The following PIK3CA variants were observed in gnomAD, a reference collection of about 807,000 sequenced individuals.
PIK3CA encodes the protein phosphatidylinositol 4,5-bisphosphate 3-kinase catalytic subunit alpha isoform.
A neutral mutation model predicts 138.2 loss-of-function variants in PIK3CA; 27 were observed. That is an observed-to-expected ratio of 0.20 (90% CI 0.14 to 0.27). PIK3CA has a LOEUF of 0.27. Among genes scored for constraint, PIK3CA ranks in the 10% least tolerant of loss-of-function variants. The pLI is 1.00. For missense variants in PIK3CA, 544 were observed against 1,277.4 expected, an observed-to-expected ratio of 0.43 and a Z score of 8.75; for synonymous variants, 358 against 413.2, an observed-to-expected ratio of 0.87 and a Z score of 1.62.
rs1442542543 is a variant in PIK3CA at position 179,239,488 on chromosome 3, T to A, written c.*5124T>A. On this transcript the variant is annotated 3_prime_UTR_variant, in exon 21 of 21. Coordinates refer to ENST00000263967, the MANE Select transcript of PIK3CA (RefSeq NM_006218.4). ...CATTTTTAAAAGTCCCTTGTTCAAT[T>A]TAACTTATGTTCCTAAGAGAGGTTG... 9.6e-6 allele frequency: 2 copies of A among 208,430 alleles called. No homozygotes were observed. Among genetic ancestry groups the A allele is most frequent in the Non-Finnish European group, 2.0e-5 (2 of 102,368 alleles). The allele number at this position is 208,430 out of a possible 1,614,324, so 12.9% of individuals were successfully genotyped here.
chr3:179,186,704 G>A (rs1723990913), intron 1 of PIK3CA, among the ~76,000 whole-genome samples: 1 of 152,180 alleles, frequency 6.6e-6, no homozygotes, highest in Non-Finnish European at 1.5e-5. Context: ...TAAACTTGTT[G>A]TAAAGAGTTA....
At chr3:179,187,349 A>G (rs1273111456) in intron 1 of PIK3CA, among the ~76,000 whole-genome samples, 1 of 151,790 alleles carries the variant, frequency 6.6e-6, no homozygotes, top group Non-Finnish European at 1.5e-5. Flanking sequence ...CATCCTGGCT[A>G]ACACGGTGAA....
intron 1 of PIK3CA, among the ~76,000 whole-genome samples, chr3:179,163,348 A>G (rs1417243341): frequency 6.6e-6 from 1 of 152,132 alleles, no homozygotes; most frequent in Non-Finnish European, 1.5e-5. Context: ...AGGAGGAACA[A>G]TCATTCGTTC....
intron 1 of PIK3CA, among the ~76,000 whole-genome samples, chr3:179,189,432 C>A (rs1160567608): frequency 6.6e-6 from 1 of 152,056 alleles, no homozygotes; most frequent in Non-Finnish European, 1.5e-5. Flanking sequence ...AATCTAAGAT[C>A]CAAGTATTAA....
At chr3:179,163,530 T>TC (rs1365701842) in intron 1 of PIK3CA, among the ~76,000 whole-genome samples, 1 of 151,728 alleles carries the variant, frequency 6.6e-6, no homozygotes, top group African/African-American at 2.4e-5. Flanking sequence ...TCACCTCCTC[T>TC]CCCCCCAACC....
intron 9 of PIK3CA, among the ~76,000 whole-genome samples, chr3:179,217,770 A>T (rs1388426903): frequency 6.6e-6 from 1 of 151,980 alleles, no homozygotes; most frequent in South Asian, 2.1e-4. Context: ...CTTTGCAGGG[A>T]TCATAAGGAT....
In PIK3CA at chr3:179,161,106, A is replaced by G. The variant is rs540178787; in HGVS notation, c.-77+12503A>G. 2.8e-4 allele frequency among the ~76,000 whole-genome samples: 43 copies of G among 152,322 alleles called. 2 individuals are homozygous for G. Among genetic ancestry groups the G allele is most frequent in the Middle Eastern group, 6.8e-3 (2 of 294 alleles). The stretch of plus-strand genomic sequence containing the variant: ...TCTGTCCAGCTAGCAAGAATGGCAC[A>G]GGAGGCTCAGGGTACACTTCTCATT... On this transcript the variant is annotated intron_variant, in intron 1 of 20. Transcript: ENST00000263967.
rs1378939266 is a variant in PIK3CA, at chr3:179,224,073, T to C, written c.2188-8T>C. On this transcript the variant is annotated splice_region_variant and splice_polypyrimidine_tract_variant and intron_variant, in intron 14 of 20. Transcript: ENST00000263967. The stretch of plus-strand genomic sequence containing the variant: ...TTCTTACTGTGACTATCCTTTTTTT[T>C]TAATCAGGTACAGATGAAGTTTTTA... The C allele has an allele frequency of 2.0e-6, 3 of 1,488,722 alleles. No homozygotes were observed. Among genetic ancestry groups the C allele is most frequent in the South Asian group, 2.3e-5 (2 of 86,874 alleles). 92.2% of individuals were successfully genotyped at this position (1,488,722 alleles called of 1,614,324 possible).
At chr3:179,167,396 AC>A (rs1723446807) in intron 1 of PIK3CA, among the ~76,000 whole-genome samples, 2 of 152,022 alleles carry the variant, frequency 1.3e-5, no homozygotes, top group African/African-American at 4.8e-5. Context: ...CTTTTAAGAT[AC>A]TCATATCTTC....
At chr3:179,175,378 A>G (rs1723670709) in intron 1 of PIK3CA, among the ~76,000 whole-genome samples, 1 of 151,628 alleles carries the variant, frequency 6.6e-6, no homozygotes, top group South Asian at 2.1e-4. Flanking sequence ...CTGATTTTTT[A>G]TTTATTCTTT....
At chr3:179,187,038 G>GT (rs77335735) in intron 1 of PIK3CA, among the ~76,000 whole-genome samples, 5,723 of 148,686 alleles carry the variant, frequency 0.038, 115 homozygotes, top group Middle Eastern at 0.054. Flanking sequence ...TAAGGGAAGT[G>GT]TTTTTTTTTT....
rs2108390074 is a variant in PIK3CA, at chr3:179,201,502, G to A, written c.775G>A (p.Glu259Lys). 1 of 1,607,264 alleles carries A rather than the reference G, an allele frequency of 6.2e-7. No individual in the cohort carries two copies. The highest frequency in any genetic ancestry group is 8.5e-7 in the Non-Finnish European group (1 of 1,174,116). ...TATTTTAAAAGTGTGTGGATGTGAT[G>A]AATACTTCCTAGAAAAATATCCTCT... ...KYILKVCGCD[E>K]YFLEKYPLSQ... The change falls in exon 4 of 21, where the codon GAA (glutamate) becomes AAA (lysine). Residue 259 changes from glutamate (E) to lysine (K), a missense_variant. Glu to Lys is a moderately conservative substitution (Grantham distance 56). Transcript: ENST00000263967.
chr3:179,224,506 AATT>A (rs947918525), intron 15 of PIK3CA, among the ~76,000 whole-genome samples, 191 bp from the exon 16 acceptor site: 1 of 152,158 alleles, frequency 6.6e-6, no homozygotes, highest in Non-Finnish European at 1.5e-5. Flanking sequence ...ATTCATATGC[AATT>A]ATATAACTTT....
In PIK3CA at chr3:179,199,195, A is replaced by G; in HGVS notation, c.352+18A>G. 3 of 1,459,724 alleles carry G rather than the reference A, an allele frequency of 2.1e-6. No individual in the cohort carries two copies. The highest frequency in any genetic ancestry group is 2.8e-6 in the Non-Finnish European group (3 of 1,080,594). 90.4% of individuals were successfully genotyped at this position (1,459,724 alleles called of 1,614,324 possible). ...AGAAATTGGTATGATACAATATCCT[A>G]TTCTAAAATGCAAATAACCATAAAG... On this transcript the variant is annotated intron_variant, in intron 2 of 20. Coordinates refer to ENST00000263967, the MANE Select transcript of PIK3CA (RefSeq NM_006218.4).
intron 17 of PIK3CA, among the ~76,000 whole-genome samples, chr3:179,228,513 A>G (rs1186245844): frequency 6.6e-6 from 1 of 152,092 alleles, no homozygotes; most frequent in Admixed American, 6.6e-5. Context: ...AATTATCTGA[A>G]AAGTCTATTA....
Position 179,203,132 on chromosome 3 carries a change from G to A in PIK3CA, c.814-412G>A, listed in dbSNP as rs1172237720. ...ATTTTTTGTATTTTTAGTAGAGACG[G>A]GGTTTCACCGTTTTAGCCAGGATGG... On this transcript the variant is annotated intron_variant, in intron 4 of 20. Transcript: ENST00000263967. Among the ~76,000 whole-genome samples the A allele has an allele frequency of 5.3e-5, 8 of 151,726 alleles. 1 individual carries two copies. The East Asian group carries it at 1.2e-3, about 22-fold the overall frequency.
chr3:179,215,831 C>A (rs1172790297), intron 9 of PIK3CA, among the ~76,000 whole-genome samples: 1 of 152,142 alleles, frequency 6.6e-6, no homozygotes, highest in Non-Finnish European at 1.5e-5. Flanking sequence ...TTAGACAAAT[C>A]ATAATATGAA....
At chr3:179,185,647 G>A (rs1435346208) in intron 1 of PIK3CA, among the ~76,000 whole-genome samples, 2 of 152,218 alleles carry the variant, frequency 1.3e-5, no homozygotes, top group East Asian at 3.8e-4. Flanking sequence ...GCTTCTGACT[G>A]ACTGGCTATA....
chr3:179,202,221 T>G (rs948957815), intron 4 of PIK3CA, among the ~76,000 whole-genome samples: 1 of 152,138 alleles, frequency 6.6e-6, no homozygotes, highest in African/African-American at 2.4e-5. Context: ...TGTGCCACCA[T>G]GCCCAGCTAA....
Sources: allele counts gnomAD v4.1 joint callset (sites outside exome capture counted in the v4.1 genomes callset), GRCh38; gene constraint gnomAD v4.1.1; transcripts MANE v1.5; gene names NCBI Gene and HGNC (gene_info 2026-07-23, HGNC 2026-07-21).